Variants in ANKRD31 observed in about 807,000 individuals in gnomAD.
ANKRD31 encodes the protein ankyrin repeat domain-containing protein 31.
Under a neutral mutation model 186.0 loss-of-function variants are expected in ANKRD31, and 147 were observed. That is an observed-to-expected ratio of 0.79 (90% CI 0.69 to 0.91). ANKRD31 has a LOEUF of 0.91. Ranked by LOEUF, ANKRD31 falls within the 40% of genes least tolerant of loss-of-function variation. ANKRD31 has a pLI of 0.00. For missense variants in ANKRD31, 1,986 were observed against 2,148.8 expected, an observed-to-expected ratio of 0.92 and a Z score of 1.50; for synonymous variants, 673 against 736.4, an observed-to-expected ratio of 0.91 and a Z score of 1.39.
intron 20 of ANKRD31, 144 bp from the exon 21 acceptor site, chr5:75,107,761 T>C (rs767758740): frequency 1.1e-5 from 6 of 565,620 alleles, no homozygotes; most frequent in African/African-American, 1.9e-5. Context: ...ATATCTCAAT[T>C]AAGGCTTATT....
At chr5:75,230,763 A>G (rs1757898029) in intron 1 of ANKRD31, 128 bp from the exon 2 acceptor site, 2 of 581,982 alleles carry the variant, frequency 3.4e-6, no homozygotes, top group Non-Finnish European at 5.8e-6. Flanking sequence ...TAATGTTTCT[A>G]TTTCAAAGTG....
intron 11 of ANKRD31, among the ~76,000 whole-genome samples, chr5:75,162,994 A>G (rs889135092): frequency 9.2e-5 from 14 of 152,262 alleles, no homozygotes; most frequent in Non-Finnish European, 4.4e-5. Flanking sequence ...TTGTTTCTTG[A>G]TACAGTAACT....
chr5:75,150,927 A>G (rs1751798347), intron 12 of ANKRD31, among the ~76,000 whole-genome samples: 1 of 152,002 alleles, frequency 6.6e-6, no homozygotes. Context: ...CCTGGCTTCA[A>G]CAAGTTACTG....
In ANKRD31 at chr5:75,188,477, G is replaced by T; in HGVS notation, c.1564+16C>A. The T allele has an allele frequency of 6.5e-7, 1 of 1,530,014 alleles. No homozygotes were observed. Among genetic ancestry groups the T allele is most frequent in the Non-Finnish European group, 8.7e-7 (1 of 1,143,680 alleles). 94.8% of individuals were successfully genotyped at this position (1,530,014 alleles called of 1,614,324 possible). Reference sequence around the variant, plus strand: ...AACCACTCTTAAGGTAACTGTGGGTGGTAATCCTAACTTACCAGCATAACT... The same window carrying T: ...AACCACTCTTAAGGTAACTGTGGGTTGTAATCCTAACTTACCAGCATAACT... On this transcript the variant is annotated intron_variant, in intron 10 of 25. Coordinates refer to ENST00000506364, the MANE Select transcript of ANKRD31 (RefSeq NM_001372053.1).
At chr5:75,133,406 G>C (rs1177378737) in intron 17 of ANKRD31, among the ~76,000 whole-genome samples, 1 of 151,668 alleles carries the variant, frequency 6.6e-6, no homozygotes, top group African/African-American at 2.4e-5. Context: ...AAGACCAAAA[G>C]AGACAAAGAA....
At chr5:75,131,886 C>A (rs1357428572) in intron 17 of ANKRD31, among the ~76,000 whole-genome samples, 10 of 152,300 alleles carry the variant, frequency 6.6e-5, no homozygotes, top group African/African-American at 2.2e-4. Context: ...GCTGGTGATA[C>A]CCAGGCAAAC....
At position 75,192,582 on chromosome 5, in the gene ANKRD31, A is replaced by G. The variant is rs78724414; in HGVS notation, c.1408+85T>C. 3.4e-3 allele frequency: 3,780 copies of G among 1,121,992 alleles called. 90 individuals are homozygous for G. The African/African-American group carries it at 0.053, about 16-fold the overall frequency. 69.5% of individuals were successfully genotyped at this position (1,121,992 alleles called of 1,614,324 possible). On this transcript the variant is annotated intron_variant, in intron 9 of 25. Coordinates refer to ENST00000506364, the MANE Select transcript of ANKRD31 (RefSeq NM_001372053.1). The stretch of plus-strand genomic sequence containing the variant: ...TCAGTTTCCTCATCAGCAAAATTAG[A>G]AAGTTGAGAAAGATAATCTCTGAAT...
At chr5:75,221,803 T>C (rs1757320791) in intron 3 of ANKRD31, among the ~76,000 whole-genome samples, 1 of 105,808 alleles carries the variant, frequency 9.5e-6, no homozygotes, top group African/African-American at 7.4e-5. Flanking sequence ...TAATGAATAG[T>C]AAATATGTTT....
intron 1 of ANKRD31, among the ~76,000 whole-genome samples, chr5:75,232,211 T>C (rs924223290): frequency 6.6e-6 from 1 of 152,150 alleles, no homozygotes; most frequent in African/African-American, 2.4e-5. Flanking sequence ...AAATTATCTA[T>C]TAATGTCCCT....
intron 25 of ANKRD31, among the ~76,000 whole-genome samples, chr5:75,072,733 T>C (rs541552523): frequency 6.6e-6 from 1 of 152,314 alleles, no homozygotes; most frequent in Admixed American, 6.5e-5. Context: ...ATCACGAATA[T>C]TTAAGCACGT....
intron 25 of ANKRD31, among the ~76,000 whole-genome samples, chr5:75,079,972 C>T (rs1744959401): frequency 6.6e-6 from 1 of 152,026 alleles, no homozygotes; most frequent in African/African-American, 2.4e-5. Flanking sequence ...GTGGCATATG[C>T]CTGCACTCCC....
chr5:75,093,138 G>C (rs1746053198), intron 22 of ANKRD31, among the ~76,000 whole-genome samples: 1 of 152,126 alleles, frequency 6.6e-6, no homozygotes, highest in African/African-American at 2.4e-5. Flanking sequence ...CATAATGAAG[G>C]AGAGGAAAAA....
At chr5:75,226,526 A>G (rs1757637698) in intron 2 of ANKRD31, among the ~76,000 whole-genome samples, 2 of 152,210 alleles carry the variant, frequency 1.3e-5, no homozygotes, top group African/African-American at 4.8e-5. Context: ...GTGACAAGGA[A>G]TTAATAGCCA....
In ANKRD31 at chr5:75,146,601, T is replaced by C. The variant is rs1188075693; in HGVS notation, c.2810A>G (p.Lys937Arg). 1.3e-6 allele frequency: 2 copies of C among 1,535,172 alleles called. No individual in the cohort carries two copies. Among genetic ancestry groups the C allele is most frequent in the East Asian group, 2.4e-5 (1 of 40,880 alleles). The change falls in exon 14 of 26, where the codon AAA (lysine) becomes AGA (arginine). Residue 937 changes from lysine (K) to arginine (R), a missense_variant. Transcript: ENST00000506364. ...HYNFKENLTN[K>R]KEMGFQQFLL... Reference sequence around the variant, plus strand: ...AAACTGTTGGAAACCCATTTCTTTTTTATTTGTTAAATTCTCCTTAAAATT... The same window carrying C: ...AAACTGTTGGAAACCCATTTCTTTTCTATTTGTTAAATTCTCCTTAAAATT...
intron 2 of ANKRD31, among the ~76,000 whole-genome samples, chr5:75,224,143 ATATATATATATATATATG>A (rs1355757064): frequency 0.022 from 1,449 of 65,254 alleles, 38 homozygotes; most frequent in African/African-American, 0.12. Flanking sequence ...ATATATATAT[ATATATATATATATATATG>A]TATATATATA....
intron 5 of ANKRD31, among the ~76,000 whole-genome samples, chr5:75,203,913 C>G (rs1480185271): frequency 6.6e-6 from 1 of 152,034 alleles, no homozygotes; most frequent in East Asian, 1.9e-4. Flanking sequence ...ATTTGGAGAT[C>G]ACGTTTTGCA....
intron 10 of ANKRD31, among the ~76,000 whole-genome samples, chr5:75,187,073 G>C (rs1332387732): frequency 7.1e-6 from 1 of 139,932 alleles, no homozygotes; most frequent in Non-Finnish European, 1.5e-5. Context: ...GCAAAATGAT[G>C]GTTGCATTTT....
chr5:75,180,336 C>T (rs1392378847), intron 10 of ANKRD31, among the ~76,000 whole-genome samples: 3 of 152,086 alleles, frequency 2.0e-5, no homozygotes, highest in Non-Finnish European at 2.9e-5. Context: ...TTAATGCCAT[C>T]CCCATCAAGC....
At chr5:75,167,324 T>C (rs1753000630) in intron 11 of ANKRD31, among the ~76,000 whole-genome samples, 1 of 152,236 alleles carries the variant, frequency 6.6e-6, no homozygotes, top group African/African-American at 2.4e-5. Context: ...CCCCAGGTAG[T>C]AGGACCAGCA....
Sources: gnomAD v4.1 joint callset for allele counts (sites outside exome capture counted in the v4.1 genomes callset) on GRCh38, gnomAD v4.1.1 for gene constraint, MANE v1.5 for transcripts, NCBI Gene and HGNC (gene_info 2026-07-23, HGNC 2026-07-21) for gene names.